Variants in RMDN1 observed in about 807,000 individuals in gnomAD.
RMDN1 encodes regulator of microtubule dynamics protein 1.
A neutral mutation model predicts 48.9 loss-of-function variants in RMDN1; 48 were observed. The observed-to-expected ratio is 0.98, with a 90% CI of 0.78 to 1.25. The LOEUF is 1.25. Ranked by LOEUF, RMDN1 falls within the 50% of genes most tolerant of loss-of-function variation. RMDN1 has a pLI of 0.00. For synonymous variants in RMDN1, 148 were observed against 132.6 expected (o/e 1.12, Z -0.80); for missense variants, 418 against 373.4 (o/e 1.12, Z -0.98).
upstream of RMDN1, among the ~76,000 whole-genome samples, chr8:86,512,443 T>C (rs1000286794): frequency 6.6e-6 from 1 of 152,236 alleles, no homozygotes; most frequent in Non-Finnish European, 1.5e-5. Context: ...TCTTTGCCCC[T>C]GCTACCATTC....
intron 2 of RMDN1, among the ~76,000 whole-genome samples, chr8:86,493,425 G>A (rs1816828611): frequency 6.6e-6 from 1 of 152,162 alleles, no homozygotes; most frequent in Non-Finnish European, 1.5e-5. Context: ...AACAACCTAA[G>A]TGCCCGTTAA....
upstream of RMDN1, among the ~76,000 whole-genome samples, chr8:86,511,579 G>A (rs1284277903): frequency 6.6e-6 from 1 of 152,148 alleles, no homozygotes; most frequent in Non-Finnish European, 1.5e-5. Context: ...AGAGGCCAAG[G>A]CCAGTGGATT....
At position 86,506,142 on chromosome 8, in the gene RMDN1, ATCT is replaced by A. The variant is rs376049197; in HGVS notation, c.247+850_247+852del. ...TACTTTTGAAGTAATCCCACCACCTATCTGGTGGGAGAGCCATCCAAATGAGAA... is the reference window on the plus strand; with the variant it reads ...TACTTTTGAAGTAATCCCACCACCTAGGTGGGAGAGCCATCCAAATGAGAA... On this transcript the variant is annotated intron_variant, in intron 2 of 9. Transcript: ENST00000406452. Among the ~76,000 whole-genome samples the A allele has an allele frequency of 3.3e-5, 5 of 152,332 alleles. No individual in the cohort carries two copies. In the East Asian group the frequency reaches 9.7e-4, roughly 29 times the overall value.
chr8:86,487,421 T>G (rs1391880978), intron 3 of RMDN1, among the ~76,000 whole-genome samples: 1 of 152,100 alleles, frequency 6.6e-6, no homozygotes, highest in African/African-American at 2.4e-5. Flanking sequence ...CTGATCAACA[T>G]GTACTAAAAA....
At chr8:86,497,187 T>C (rs1817511053) in intron 2 of RMDN1, among the ~76,000 whole-genome samples, 1 of 152,186 alleles carries the variant, frequency 6.6e-6, no homozygotes, top group South Asian at 2.1e-4. Flanking sequence ...ATCAAGAAGT[T>C]AGAAAGATCT....
chr8:86,506,873 G>C, intron 2 of RMDN1, 122 bp downstream of exon 2: 1 of 623,022 alleles, frequency 1.6e-6, no homozygotes, highest in East Asian at 2.6e-5. Flanking sequence ...AGCAGATTGT[G>C]AATATTTCCA....
chr8:86,471,126 T>C (rs1044925995), downstream of RMDN1, among the ~76,000 whole-genome samples: 2 of 151,342 alleles, frequency 1.3e-5, no homozygotes, highest in Admixed American at 1.3e-4. Context: ...TGGGATAGGC[T>C]GAGAGAAAGG....
At chr8:86,509,398 A>G (rs2131390923), upstream of RMDN1, among the ~76,000 whole-genome samples, 1 of 152,226 alleles carries the variant, frequency 6.6e-6, no homozygotes, top group African/African-American at 2.4e-5. Flanking sequence ...TTCTTGCTCG[A>G]GTGGAATTCT....
intron 3 of RMDN1, 150 bp from the exon 4 acceptor site, chr8:86,486,793 A>G: frequency 2.0e-6 from 1 of 494,612 alleles, no homozygotes; most frequent in Non-Finnish European, 3.3e-6. Context: ...TAAATTTATT[A>G]TTTTCTTTAA....
intron 1 of RMDN1, among the ~76,000 whole-genome samples, chr8:86,513,771 A>G (rs1368232761): frequency 3.9e-5 from 6 of 152,372 alleles, no homozygotes; most frequent in Non-Finnish European, 8.8e-5. Context: ...GTGCACATTA[A>G]GAATGCCCTA....
intron 4 of RMDN1, 79 bp from the exon 5 acceptor site, chr8:86,485,040 T>G: frequency 1.4e-6 from 1 of 739,556 alleles, no homozygotes; most frequent in Non-Finnish European, 2.2e-6. Flanking sequence ...ATAATATTCT[T>G]CAATAGTCAT....
chr8:86,481,565 T>C (rs1171779501), intron 5 of RMDN1, among the ~76,000 whole-genome samples: 3 of 140,422 alleles, frequency 2.1e-5, no homozygotes, highest in Admixed American at 7.0e-5. Context: ...TTTTCCTTTT[T>C]TTTTTTTTTT....
chr8:86,494,376 C>A (rs1816979693), intron 2 of RMDN1, among the ~76,000 whole-genome samples: 1 of 151,898 alleles, frequency 6.6e-6, no homozygotes, highest in Non-Finnish European at 1.5e-5. Flanking sequence ...GCCAACATGG[C>A]AAAACCCCGT....
intron 3 of RMDN1, 71 bp from the exon 4 acceptor site, chr8:86,486,714 A>G (rs1815552594): frequency 2.5e-6 from 3 of 1,199,426 alleles, no homozygotes; most frequent in Middle Eastern, 2.0e-4. Flanking sequence ...TACATTACTA[A>G]TGAATACATT....
At chr8:86,480,774 T>G (rs1318843982) in intron 5 of RMDN1, among the ~76,000 whole-genome samples, 1 of 152,070 alleles carries the variant, frequency 6.6e-6, no homozygotes, top group Non-Finnish European at 1.5e-5. Flanking sequence ...TTAGAAAAAA[T>G]GTAATTTTAG....
At chr8:86,506,933 A>T (rs1221062785) in intron 2 of RMDN1, 62 bp downstream of exon 2, 1 of 820,458 alleles carries the variant, frequency 1.2e-6, no homozygotes, top group Non-Finnish European at 2.0e-6. Context: ...TTTAAAATAA[A>T]AATTCTGAAT....
intron 2 of RMDN1, among the ~76,000 whole-genome samples, chr8:86,499,666 T>C (rs1172819438): frequency 6.9e-6 from 1 of 145,562 alleles, no homozygotes; most frequent in East Asian, 2.3e-4. Context: ...ACCAATATCA[T>C]CTTTCACAGA....
At chr8:86,482,418 G>A in intron 5 of RMDN1, 2 of 431,636 alleles carry the variant, frequency 4.6e-6, no homozygotes, top group Non-Finnish European at 8.6e-6. Flanking sequence ...AAAAAGAAAG[G>A]AGGCTCTGTA....
intron 5 of RMDN1, chr8:86,482,748 A>G (rs1272098540): frequency 3.1e-6 from 3 of 962,734 alleles, no homozygotes; most frequent in African/African-American, 1.6e-5. Context: ...AGGTGGCGCC[A>G]TAACCTGTGT....
Sources: gnomAD v4.1 joint callset for allele counts (sites outside exome capture counted in the v4.1 genomes callset) on GRCh38, gnomAD v4.1.1 for gene constraint, MANE v1.5 for transcripts, NCBI Gene and HGNC (gene_info 2026-07-23, HGNC 2026-07-21) for gene names.